IL23R: variants seen among roughly 807,000 people sequenced by gnomAD.
The protein encoded by IL23R is interleukin-23 receptor.
A neutral mutation model predicts 56.9 loss-of-function variants in IL23R; 34 were observed. The observed-to-expected ratio is 0.60, with a 90% confidence interval of 0.45 to 0.80. IL23R has a LOEUF of 0.80. Among genes scored for constraint, IL23R ranks in the 30% least tolerant of loss-of-function variants. The pLI is 0.00. For synonymous variants in IL23R, 230 were observed against 249.2 expected (o/e 0.92, Z 0.73); for missense variants, 635 against 730.0 (o/e 0.87, Z 1.50).
At chr1:67,215,708 A>AG (rs1649788463) in intron 6 of IL23R, among the ~76,000 whole-genome samples, 1 of 152,182 alleles carries the variant, frequency 6.6e-6, no homozygotes, top group Admixed American at 6.5e-5. Flanking sequence ...GTGTGAGGAG[A>AG]GGAAGATGGT....
At chr1:67,220,276 G>T (rs552723571) in intron 7 of IL23R, among the ~76,000 whole-genome samples, 19 of 152,118 alleles carry the variant, frequency 1.2e-4, no homozygotes, top group African/African-American at 4.1e-4. Flanking sequence ...GGCTGAGGCA[G>T]GAAAATTGCT....
chr1:67,250,232 G>GGTGCCTAAATTTCCTTT (rs1652521276), intron 9 of IL23R, among the ~76,000 whole-genome samples: 1 of 152,028 alleles, frequency 6.6e-6, no homozygotes, highest in South Asian at 2.1e-4. Flanking sequence ...TTTTAATTTT[G>GGTGCCTAAATTTCCTTT]GTGCCTAAAT....
At chr1:67,176,659 A>G (rs528521696) in intron 3 of IL23R, among the ~76,000 whole-genome samples, 5 of 152,232 alleles carry the variant, frequency 3.3e-5, no homozygotes, top group African/African-American at 1.2e-4. Flanking sequence ...TTATACTTGA[A>G]GTTTTAGGGT....
chr1:67,237,131 C>T (rs894761820), intron 8 of IL23R, among the ~76,000 whole-genome samples: 38 of 152,282 alleles, frequency 2.5e-4, no homozygotes, highest in Middle Eastern at 3.4e-3. Context: ...CAACCTCCGC[C>T]TCCCAGGTTC....
chr1:67,243,373 A>G (rs1558261973), intron 9 of IL23R, among the ~76,000 whole-genome samples: 1 of 151,904 alleles, frequency 6.6e-6, no homozygotes, highest in Non-Finnish European at 1.5e-5. Flanking sequence ...GGTTCGTTAC[A>G]TAGGTATACA....
chr1:67,217,475 T>C (rs1649923592), intron 6 of IL23R, among the ~76,000 whole-genome samples: 1 of 152,116 alleles, frequency 6.6e-6, no homozygotes, highest in Admixed American at 6.5e-5. Flanking sequence ...TTAAGAGGAC[T>C]TATCTATAAA....
chr1:67,180,060 G>C (rs7334720), intron 3 of IL23R, among the ~76,000 whole-genome samples: 1 of 152,080 alleles, frequency 6.6e-6, no homozygotes, highest in Admixed American at 6.6e-5. Flanking sequence ...ATTTGGAAGA[G>C]GTGTGGTGTG....
At chr1:67,201,883 C>T (rs577158644) in intron 5 of IL23R, among the ~76,000 whole-genome samples, 2 of 152,128 alleles carry the variant, frequency 1.3e-5, no homozygotes, top group Admixed American at 1.3e-4. Context: ...TTAATGTTGT[C>T]TGAATATATA....
chr1:67,222,365 C>T (rs1413536566), intron 7 of IL23R, among the ~76,000 whole-genome samples: 1 of 152,152 alleles, frequency 6.6e-6, no homozygotes, highest in African/African-American at 2.4e-5. Context: ...GATCCGCCCG[C>T]TTTGGCCTCC....
At chr1:67,157,361 G>A (rs1478647906) in intron 1 of IL23R, among the ~76,000 whole-genome samples, 1 of 151,958 alleles carries the variant, frequency 6.6e-6, no homozygotes. Context: ...TCAGTTAATG[G>A]CCACTTTACC....
intron 4 of IL23R, among the ~76,000 whole-genome samples, chr1:67,200,200 CG>C (rs1390456494): frequency 1.3e-5 from 2 of 151,798 alleles, no homozygotes; most frequent in Admixed American, 1.3e-4. Context: ...CCACCACGCC[CG>C]GCTAATTTCT....
rs59793228 is a variant in IL23R, at chr1:67,183,167, C to T, written c.491+208C>T. On this transcript the variant is annotated intron_variant, in intron 4 of 10. Coordinates refer to ENST00000347310, the MANE Select transcript of IL23R (RefSeq NM_144701.3). ...TCTGGCAGGCAAAGTGCTCTATGAT[C>T]TTTCTGTCCTTTTTATTCATTAGTA... 3.1e-3 allele frequency among the ~76,000 whole-genome samples: 470 copies of T among 152,344 alleles called. 2 individuals carry two copies. The highest frequency in any genetic ancestry group is 0.01 in the African/African-American group (433 of 41,590).
intron 5 of IL23R, 64 bp from the exon 6 acceptor site, chr1:67,206,846 T>C: frequency 2.0e-6 from 3 of 1,483,934 alleles, no homozygotes; most frequent in Non-Finnish European, 2.7e-6. Flanking sequence ...GACGAAAAGA[T>C]GCCAGTTTCT....
At chr1:67,159,840 C>T (rs558404401) in intron 1 of IL23R, among the ~76,000 whole-genome samples, 29 of 152,234 alleles carry the variant, frequency 1.9e-4, no homozygotes, top group African/African-American at 5.1e-4. Context: ...TAGGATGAGG[C>T]TAAAGCAGGT....
chr1:67,262,192 G>T (rs77602371), downstream of IL23R, among the ~76,000 whole-genome samples: 1,885 of 152,236 alleles, frequency 0.012, 26 homozygotes, highest in African/African-American at 0.044. Flanking sequence ...GCCATTTGAA[G>T]GATATGGATT....
intron 5 of IL23R, among the ~76,000 whole-genome samples, chr1:67,205,907 CTTTCTTTCTTTCTTTCTTT>C (rs907263816): frequency 3.3e-5 from 4 of 122,484 alleles, no homozygotes; most frequent in Admixed American, 9.6e-5. Flanking sequence ...TTCTTTCTTT[CTTTCTTTCTTTCTTTCTTT>C]TTCTTTCTTT....
chr1:67,211,206 AT>A (rs1261154694), intron 6 of IL23R, among the ~76,000 whole-genome samples: 10 of 152,230 alleles, frequency 6.6e-5, no homozygotes. Context: ...TTTAGATTAA[AT>A]TTCAAAACAA....
At chr1:67,228,031 T>TCTCTCTCTC (rs1359044057) in intron 7 of IL23R, among the ~76,000 whole-genome samples, 1 of 61,928 alleles carries the variant, frequency 1.6e-5, no homozygotes, top group African/African-American at 6.9e-5. Flanking sequence ...CCTTTCTTTC[T>TCTCTCTCTC]TTTCTTTCTT....
At chr1:67,249,468 A>G (rs1158857830) in intron 9 of IL23R, among the ~76,000 whole-genome samples, 3 of 152,164 alleles carry the variant, frequency 2.0e-5, no homozygotes, top group Admixed American at 1.3e-4. Flanking sequence ...TAAAAACACA[A>G]TTCACAAGGA....
Sources: gnomAD v4.1 joint callset for allele counts (sites outside exome capture counted in the v4.1 genomes callset) on GRCh38, gnomAD v4.1.1 for gene constraint, MANE v1.5 for transcripts, NCBI Gene and HGNC (gene_info 2026-07-23, HGNC 2026-07-21) for gene names.